The following BRAF variants were observed in gnomAD, a reference collection of about 807,000 sequenced individuals.
The protein encoded by BRAF is serine/threonine-protein kinase B-raf.
BRAF carries 16 observed loss-of-function variants against 104.6 expected under a neutral mutation model. The ratio of observed to expected loss-of-function variants is 0.15; its 90% CI spans 0.10 to 0.23. The LOEUF is 0.23. BRAF is among the 10% of genes least tolerant of loss of function. The probability of loss-of-function intolerance (pLI) is 1.00; values close to 1 mark genes in which losing one functional copy is unlikely to be tolerated. For missense variants in BRAF, 541 were observed against 937.3 expected, an observed-to-expected ratio of 0.58 and a Z score of 5.52; for synonymous variants, 310 against 341.6, an observed-to-expected ratio of 0.91 and a Z score of 1.02.
intron 17 of BRAF, among the ~76,000 whole-genome samples, chr7:140,747,598 T>C (rs748540784): frequency 3.3e-5 from 5 of 152,246 alleles, no homozygotes; most frequent in Non-Finnish European, 7.3e-5. Flanking sequence ...CTTAGGTTCA[T>C]AAATTTTTAT....
chr7:140,841,622 A>AAAAAACATTACATT (rs1807978990), intron 2 of BRAF, among the ~76,000 whole-genome samples: 1 of 152,238 alleles, frequency 6.6e-6, no homozygotes, highest in Non-Finnish European at 1.5e-5. Flanking sequence ...ACATTAAGTA[A>AAAAAACATTACATT]AAGCAGCCAG....
At chr7:140,898,422 A>G (rs188863716) in intron 1 of BRAF, among the ~76,000 whole-genome samples, 134 of 152,348 alleles carry the variant, frequency 8.8e-4, no homozygotes, top group Admixed American at 3.6e-3. Context: ...CCTAAAAATA[A>G]GTTCTAAAAA....
At chr7:140,832,001 G>A (rs1806813054) in intron 3 of BRAF, among the ~76,000 whole-genome samples, 1 of 152,000 alleles carries the variant, frequency 6.6e-6, no homozygotes, top group African/African-American at 2.4e-5. Flanking sequence ...ATTTTGTTTG[G>A]TTTTCTATTT....
intron 2 of BRAF, 46 bp downstream of exon 2, chr7:140,850,065 T>C (rs779026035): frequency 1.5e-6 from 2 of 1,347,992 alleles, no homozygotes; most frequent in Non-Finnish European, 2.1e-6. Flanking sequence ...TATAAGTTCA[T>C]TTTTTTTCTT....
chr7:140,748,909 A>G (rs1797565073), intron 17 of BRAF: 1 of 156,550 alleles, frequency 6.4e-6, no homozygotes, highest in Admixed American at 6.4e-5. Flanking sequence ...AGAATTTAAT[A>G]TAAAGATCTC....
chr7:140,753,495 A>G lies in BRAF; in HGVS notation c.1862-102T>C, dbSNP rs1157153626. The G allele has an allele frequency of 5.2e-6, 4 of 770,144 alleles. No individual in the cohort carries two copies. In the East Asian group the frequency reaches 1.1e-4, roughly 21 times the overall value. 47.7% of individuals were successfully genotyped at this position (770,144 alleles called of 1,614,324 possible). On this transcript the variant is annotated intron_variant, in intron 15 of 19. Transcript: ENST00000644969. ...GAGATCTAATTTCTATAATTCTGTA[A>G]TATAATATTCTTTAAAACATAGTAC...
At chr7:140,865,419 G>A (rs935978261) in intron 1 of BRAF, among the ~76,000 whole-genome samples, 9 of 152,104 alleles carry the variant, frequency 5.9e-5, no homozygotes, top group African/African-American at 2.2e-4. Flanking sequence ...AGAAGCAGCT[G>A]CACTGCCAGA....
chr7:140,879,025 C>A (rs1381216462), intron 1 of BRAF, among the ~76,000 whole-genome samples: 2 of 152,040 alleles, frequency 1.3e-5, no homozygotes, highest in African/African-American at 4.8e-5. Context: ...CAGGCATGCA[C>A]CACCATGCCC....
intron 3 of BRAF, among the ~76,000 whole-genome samples, chr7:140,820,884 G>C (rs757709120): frequency 6.6e-6 from 1 of 152,134 alleles, no homozygotes; most frequent in Non-Finnish European, 1.5e-5. Flanking sequence ...AGTTAGCTGT[G>C]ATTATACCAC....
At chr7:140,827,625 C>T (rs968960160) in intron 3 of BRAF, among the ~76,000 whole-genome samples, 8 of 152,202 alleles carry the variant, frequency 5.3e-5, no homozygotes, top group Admixed American at 4.6e-4. Flanking sequence ...GTTCCAACTA[C>T]CTTTGTGACA....
chr7:140,832,875 C>CTTT (rs543780550), intron 3 of BRAF, among the ~76,000 whole-genome samples: 1 of 138,042 alleles, frequency 7.2e-6, no homozygotes, highest in South Asian at 2.3e-4. Context: ...CTAGTTAAAC[C>CTTT]TTTTTTTTTT....
intron 17 of BRAF, among the ~76,000 whole-genome samples, chr7:140,746,723 T>G (rs1797376498): frequency 6.6e-6 from 1 of 150,938 alleles, no homozygotes; most frequent in Non-Finnish European, 1.5e-5. Context: ...TCCCAGCTAC[T>G]CGGGAGGCTG....
chr7:140,888,169 G>A (rs1053949214), intron 1 of BRAF, among the ~76,000 whole-genome samples: 12 of 152,160 alleles, frequency 7.9e-5, no homozygotes, highest in African/African-American at 2.9e-4. Flanking sequence ...CACTGTGCCT[G>A]GCCTCAGCAT....
intron 1 of BRAF, among the ~76,000 whole-genome samples, chr7:140,922,389 G>A (rs1818323974): frequency 6.6e-6 from 1 of 152,122 alleles, no homozygotes; most frequent in East Asian, 1.9e-4. Flanking sequence ...TCTTCAGGGG[G>A]TACAGTTCCA....
intron 1 of BRAF, among the ~76,000 whole-genome samples, chr7:140,862,109 C>A (rs1810483193): frequency 1.3e-5 from 2 of 152,072 alleles, no homozygotes; most frequent in Admixed American, 6.6e-5. Context: ...CAATTTAGTC[C>A]TTATTCAATA....
intron 1 of BRAF, among the ~76,000 whole-genome samples, chr7:140,867,637 T>C (rs1811120237): frequency 6.6e-6 from 1 of 152,040 alleles, no homozygotes; most frequent in Non-Finnish European, 1.5e-5. Flanking sequence ...ATGGTAAAAC[T>C]TGAAGGTCTC....
At chr7:140,868,626 G>T (rs939108678) in intron 1 of BRAF, among the ~76,000 whole-genome samples, 1 of 152,092 alleles carries the variant, frequency 6.6e-6, no homozygotes, top group African/African-American at 2.4e-5. Flanking sequence ...TAGGGCTAAT[G>T]AAAACATTCT....
At chr7:140,916,510 C>T (rs892406135) in intron 1 of BRAF, among the ~76,000 whole-genome samples, 7 of 152,214 alleles carry the variant, frequency 4.6e-5, no homozygotes, top group Non-Finnish European at 1.0e-4. Flanking sequence ...ACCTAATTGA[C>T]ACTTTCGGTG....
chr7:140,723,148 A>G lies in BRAF; in HGVS notation c.*3346T>C. Reference sequence around the variant, plus strand: ...AACTAAAGCTAGAGATGAGGTTTGCAAGCAGCTGGCGGGTGGATGTACAGT... The same window carrying G: ...AACTAAAGCTAGAGATGAGGTTTGCGAGCAGCTGGCGGGTGGATGTACAGT... On this transcript the variant is annotated 3_prime_UTR_variant, in exon 20 of 20. Transcript: ENST00000644969. The G allele has an allele frequency of 9.5e-7, 1 of 1,052,668 alleles. No individual in the cohort carries two copies. Among genetic ancestry groups the G allele is most frequent in the Non-Finnish European group, 1.1e-6 (1 of 871,484 alleles). 65.2% of individuals were successfully genotyped at this position (1,052,668 alleles called of 1,614,324 possible).
Sources: allele counts gnomAD v4.1 joint callset (sites outside exome capture counted in the v4.1 genomes callset), GRCh38; gene constraint gnomAD v4.1.1; transcripts MANE v1.5; gene names NCBI Gene and HGNC (gene_info 2026-07-23, HGNC 2026-07-21).